The following LINGO2 variants were observed in gnomAD, a reference collection of about 807,000 sequenced individuals.
The protein encoded by LINGO2 is leucine rich repeat and Ig domain containing 2, also known as leucine-rich repeat and immunoglobulin-like domain-containing nogo receptor-interacting protein 2.
LINGO2 carries 14 observed loss-of-function variants against 30.6 expected under a neutral mutation model. That is an observed-to-expected ratio of 0.46 (90% CI 0.30 to 0.72). The LOEUF (loss-of-function observed/expected upper bound fraction) is 0.72. Among genes scored for constraint, LINGO2 ranks in the 30% least tolerant of loss-of-function variants. LINGO2 has a pLI of 0.07. For synonymous variants in LINGO2, 317 were observed against 288.5 expected, an observed-to-expected ratio of 1.10 and a Z score of -1.00; for missense variants, 729 against 751.7, an observed-to-expected ratio of 0.97 and a Z score of 0.35.
chr9:28,851,549 AATCC>A, the LINGO2 span, among the ~76,000 whole-genome samples: 2 of 152,062 alleles, frequency 1.3e-5, no homozygotes, highest in Non-Finnish European at 2.9e-5. Flanking sequence ...ATATTCACAG[AATCC>A]AGGGATTAGG....
chr9:29,192,325 T>C, the LINGO2 span, among the ~76,000 whole-genome samples: 1 of 152,204 alleles, frequency 6.6e-6, no homozygotes, highest in African/African-American at 2.4e-5. Context: ...TGAAGATAAC[T>C]TGTAACATAC....
the LINGO2 span, among the ~76,000 whole-genome samples, chr9:28,773,118 C>A: frequency 4.6e-5 from 7 of 152,122 alleles, no homozygotes; most frequent in Admixed American, 4.6e-4. Context: ...GAAATCTCAG[C>A]ACTCTGGGAG....
At chr9:28,335,806 T>A (rs1418423401) in intron 3 of LINGO2, among the ~76,000 whole-genome samples, 1 of 152,158 alleles carries the variant, frequency 6.6e-6, no homozygotes, top group Non-Finnish European at 1.5e-5. Flanking sequence ...TTGGCATGGA[T>A]GTACAACAGT....
intron 4 of LINGO2, among the ~76,000 whole-genome samples, chr9:28,098,224 G>T (rs1268553170): frequency 6.6e-6 from 1 of 152,054 alleles, no homozygotes; most frequent in African/African-American, 2.4e-5. Context: ...AGAATCGCTT[G>T]AACGCAGGAG....
intron 5 of LINGO2, among the ~76,000 whole-genome samples, chr9:27,955,696 G>C (rs1286362717): frequency 6.6e-6 from 1 of 151,442 alleles, no homozygotes; most frequent in Non-Finnish European, 1.5e-5. Flanking sequence ...AACTATTTTT[G>C]GAAGCTTGGG....
chr9:28,065,709 G>A (rs1395628023), intron 4 of LINGO2, among the ~76,000 whole-genome samples: 1 of 152,078 alleles, frequency 6.6e-6, no homozygotes, highest in Non-Finnish European at 1.5e-5. Context: ...ATGCAATAAG[G>A]TGTGATGGTA....
chr9:28,683,267 A>G, the LINGO2 span, among the ~76,000 whole-genome samples: 1 of 152,126 alleles, frequency 6.6e-6, no homozygotes, highest in African/African-American at 2.4e-5. Context: ...GTTCCAGACA[A>G]TCACCACTAA....
At chr9:28,568,867 A>G (rs1351535952) in intron 1 of LINGO2, among the ~76,000 whole-genome samples, 1 of 147,534 alleles carries the variant, frequency 6.8e-6, no homozygotes, top group African/African-American at 2.7e-5. Flanking sequence ...CTTAAAATGA[A>G]GGATGCTAAT....
intron 3 of LINGO2, among the ~76,000 whole-genome samples, chr9:28,305,629 G>C (rs188196976): frequency 6.6e-6 from 1 of 152,024 alleles, no homozygotes; most frequent in African/African-American, 2.4e-5. Context: ...AAAATTAAAT[G>C]AAATACATGG....
chr9:28,565,269 G>C (rs369633357), intron 1 of LINGO2, among the ~76,000 whole-genome samples: 13 of 151,750 alleles, frequency 8.6e-5, no homozygotes, highest in Non-Finnish European at 1.9e-4. Flanking sequence ...CTCATTACAA[G>C]CTCCGCCTCC....
At chr9:28,452,246 C>A (rs1253565987) in intron 2 of LINGO2, among the ~76,000 whole-genome samples, 3 of 150,982 alleles carry the variant, frequency 2.0e-5, no homozygotes, top group Non-Finnish European at 4.4e-5. Flanking sequence ...TTACTGAGTG[C>A]ACAGTCCCTG....
the LINGO2 span, among the ~76,000 whole-genome samples, chr9:28,885,760 G>C: frequency 6.6e-6 from 1 of 152,078 alleles, no homozygotes; most frequent in Non-Finnish European, 1.5e-5. Flanking sequence ...GCTATCCTTA[G>C]CTTCCCAGGT....
At chr9:28,514,478 C>T (rs1308926603) in intron 1 of LINGO2, among the ~76,000 whole-genome samples, 1 of 152,128 alleles carries the variant, frequency 6.6e-6, no homozygotes, top group Non-Finnish European at 1.5e-5. Flanking sequence ...GAAAGGGAAA[C>T]AGCCTTATTG....
chr9:28,008,272 T>C (rs1226582616), intron 5 of LINGO2, among the ~76,000 whole-genome samples: 2 of 152,302 alleles, frequency 1.3e-5, no homozygotes, highest in South Asian at 4.1e-4. Flanking sequence ...TATTTATTCC[T>C]CTATATCATC....
chr9:29,211,362 A>T, the LINGO2 span, among the ~76,000 whole-genome samples: 1 of 152,184 alleles, frequency 6.6e-6, no homozygotes, highest in African/African-American at 2.4e-5. Context: ...GGCAGTACAC[A>T]GCACAGATAA....
chr9:28,507,237 G>GTGTGT (rs58152869), intron 1 of LINGO2, among the ~76,000 whole-genome samples: 1 of 121,316 alleles, frequency 8.2e-6, no homozygotes, highest in African/African-American at 2.6e-5. Flanking sequence ...GTGTGTGTGT[G>GTGTGT]CGTGCGTGCG....
At chr9:28,297,261 C>A (rs931046950) in intron 3 of LINGO2, among the ~76,000 whole-genome samples, 2 of 152,162 alleles carry the variant, frequency 1.3e-5, no homozygotes, top group Non-Finnish European at 2.9e-5. Flanking sequence ...TTTTATTACA[C>A]AGAAATGATG....
chr9:28,174,069 G>C (rs1439213424), intron 4 of LINGO2, among the ~76,000 whole-genome samples: 2 of 152,156 alleles, frequency 1.3e-5, no homozygotes, highest in Non-Finnish European at 2.9e-5. Context: ...ATATCAATGT[G>C]GATGCACTAA....
the LINGO2 span, among the ~76,000 whole-genome samples, chr9:28,830,707 C>T: frequency 6.6e-6 from 1 of 152,130 alleles, no homozygotes; most frequent in African/African-American, 2.4e-5. Context: ...TTTACTTCTC[C>T]TGACGTCTCC....
Sources: gnomAD v4.1 joint callset for allele counts (sites outside exome capture counted in the v4.1 genomes callset) on GRCh38, gnomAD v4.1.1 for gene constraint, MANE v1.5 for transcripts, NCBI Gene and HGNC (gene_info 2026-07-23, HGNC 2026-07-21) for gene names.